The following ADAMTS12 variants were observed in gnomAD, a reference collection of about 807,000 sequenced individuals.
The protein encoded by ADAMTS12 is A disintegrin and metalloproteinase with thrombospondin motifs 12.
Under a neutral mutation model 167.8 loss-of-function variants are expected in ADAMTS12, and 118 were observed. That is an observed-to-expected ratio of 0.70 (90% CI 0.61 to 0.82). ADAMTS12 has a LOEUF of 0.82. ADAMTS12 is among the 40% of genes least tolerant of loss of function. The probability of loss-of-function intolerance (pLI) is 0.00; values close to 1 mark genes in which losing one functional copy is unlikely to be tolerated. For missense variants in ADAMTS12, 1,916 were observed against 1,998.8 expected, an observed-to-expected ratio of 0.96 and a Z score of 0.79; for synonymous variants, 704 against 716.9, an observed-to-expected ratio of 0.98 and a Z score of 0.29.
At chr5:33,691,059 C>T (rs10055979) in intron 3 of ADAMTS12, among the ~76,000 whole-genome samples, 6,807 of 152,258 alleles carry the variant, frequency 0.045, 315 homozygotes, top group East Asian at 0.17. Context: ...GGGACTTTCA[C>T]GCTTCATCCA....
chr5:33,779,503 A>G (rs62349789), intron 2 of ADAMTS12, among the ~76,000 whole-genome samples: 19,098 of 152,180 alleles, frequency 0.13, 1,569 homozygotes, highest in East Asian at 0.4. Flanking sequence ...GCTGTCTTGA[A>G]GAGATGTCTG....
intron 2 of ADAMTS12, among the ~76,000 whole-genome samples, chr5:33,850,744 T>C (rs1353438657): frequency 2.0e-5 from 3 of 152,186 alleles, no homozygotes; most frequent in Non-Finnish European, 4.4e-5. Flanking sequence ...GAGAGTTTTT[T>C]CCCATCCTGC....
intron 2 of ADAMTS12, among the ~76,000 whole-genome samples, chr5:33,783,076 C>G (rs1259357692): frequency 6.6e-6 from 1 of 151,968 alleles, no homozygotes; most frequent in Non-Finnish European, 1.5e-5. Flanking sequence ...CAAGTAAGTT[C>G]TCTGAACACC....
chr5:33,885,045 CTTAT>C (rs1750588476), intron 1 of ADAMTS12, among the ~76,000 whole-genome samples: 2 of 152,088 alleles, frequency 1.3e-5, no homozygotes, highest in Admixed American at 6.6e-5. Flanking sequence ...TTGAAAATAT[CTTAT>C]TTGTTATACT....
intron 2 of ADAMTS12, among the ~76,000 whole-genome samples, chr5:33,844,952 G>A (rs554018472): frequency 3.3e-5 from 5 of 152,270 alleles, no homozygotes; most frequent in East Asian, 3.9e-4. Flanking sequence ...CAGGTTCCCC[G>A]ATAATTTCTG....
At position 33,807,495 on chromosome 5, in the gene ADAMTS12, G is replaced by A. The variant is rs949888250; in HGVS notation, c.490-55947C>T. Among the ~76,000 whole-genome samples, 4 of 152,306 alleles carry A rather than the reference G, an allele frequency of 2.6e-5. No individual in the cohort carries two copies. The East Asian group carries it at 5.8e-4, about 22-fold the overall frequency. Reference sequence around the variant, plus strand: ...TTAGCGCCTATATCATTGGGTACCTGTGAGGATAAACTGAGATGATAGATG... The same window carrying A: ...TTAGCGCCTATATCATTGGGTACCTATGAGGATAAACTGAGATGATAGATG... On this transcript the variant is annotated intron_variant, in intron 2 of 23. Coordinates refer to ENST00000504830, the MANE Select transcript of ADAMTS12 (RefSeq NM_030955.4).
intron 16 of ADAMTS12, among the ~76,000 whole-genome samples, chr5:33,612,183 A>G (rs144965271): frequency 6.6e-6 from 1 of 152,332 alleles, no homozygotes; most frequent in African/African-American, 2.4e-5. Flanking sequence ...CACTCAAACA[A>G]ACAGTGTGGC....
At chr5:33,544,212 A>C (rs539187547) in intron 22 of ADAMTS12, among the ~76,000 whole-genome samples, 16 of 152,226 alleles carry the variant, frequency 1.1e-4, no homozygotes, top group Middle Eastern at 6.8e-3. Flanking sequence ...TTCTTATACA[A>C]CAATAACAGA....
intron 3 of ADAMTS12, among the ~76,000 whole-genome samples, chr5:33,720,284 T>TCACACACA (rs3071626): frequency 0.069 from 10,137 of 147,734 alleles, 369 homozygotes; most frequent in Non-Finnish European, 0.073. Flanking sequence ...TCTCTCTCAC[T>TCACACACA]CACACACACA....
intron 2 of ADAMTS12, among the ~76,000 whole-genome samples, chr5:33,786,043 G>A (rs1201076862): frequency 6.6e-6 from 1 of 152,178 alleles, no homozygotes; most frequent in Non-Finnish European, 1.5e-5. Context: ...ATTATGCAAA[G>A]TGAAAGAAAC....
chr5:33,564,099 C>T (rs1417302712), intron 19 of ADAMTS12, among the ~76,000 whole-genome samples: 1 of 152,176 alleles, frequency 6.6e-6, no homozygotes, highest in Non-Finnish European at 1.5e-5. Context: ...GGACAGCCTC[C>T]CACAGGCCAG....
chr5:33,887,440 G>A (rs918299074), intron 1 of ADAMTS12, among the ~76,000 whole-genome samples: 1 of 152,176 alleles, frequency 6.6e-6, no homozygotes, highest in Admixed American at 6.5e-5. Flanking sequence ...ATGTCAAGGC[G>A]GGTTGTCAAT....
At chr5:33,542,359 GAGACTT>G (rs1252732321) in intron 22 of ADAMTS12, among the ~76,000 whole-genome samples, 4 of 152,102 alleles carry the variant, frequency 2.6e-5, no homozygotes, top group Non-Finnish European at 5.9e-5. Context: ...GACCTACAAA[GAGACTT>G]AGACTTAGAG....
At chr5:33,739,528 A>G (rs920635783) in intron 3 of ADAMTS12, among the ~76,000 whole-genome samples, 3 of 152,212 alleles carry the variant, frequency 2.0e-5, no homozygotes, top group African/African-American at 7.2e-5. Context: ...TGATGCCAGG[A>G]TAAGGAGCCA....
intron 2 of ADAMTS12, among the ~76,000 whole-genome samples, chr5:33,870,041 T>A (rs973973409): frequency 1.3e-5 from 2 of 152,204 alleles, no homozygotes; most frequent in African/African-American, 4.8e-5. Context: ...CTTACCAGTT[T>A]TTGGCAATAA....
chr5:33,692,155 T>C (rs10472887), intron 3 of ADAMTS12, among the ~76,000 whole-genome samples: 34,142 of 152,142 alleles, frequency 0.22, 4,010 homozygotes, highest in East Asian at 0.42. Flanking sequence ...TCCTAGAATA[T>C]AGACTAAATT....
At chr5:33,826,540 G>A (rs2079715306) in intron 2 of ADAMTS12, among the ~76,000 whole-genome samples, 1 of 150,502 alleles carries the variant, frequency 6.6e-6, no homozygotes, top group African/African-American at 2.5e-5. Flanking sequence ...TTTTAAGTCT[G>A]TTTGAAAACA....
chr5:33,597,773 G>A (rs1023675284), intron 16 of ADAMTS12, among the ~76,000 whole-genome samples: 1 of 152,070 alleles, frequency 6.6e-6, no homozygotes, highest in African/African-American at 2.4e-5. Context: ...CGGTGGAATA[G>A]AGACTCGGAT....
Position 33,527,291 on chromosome 5 carries a change from G to A in ADAMTS12, c.4682C>T (p.Pro1561Leu), listed in dbSNP as rs1168170849. 6.2e-7 allele frequency: 1 copy of A among 1,614,002 alleles called. No homozygotes were observed. The highest frequency in any genetic ancestry group is 1.3e-5 in the African/African-American group (1 of 74,920). ...TLKAMKKCSV[P>L]TVRAECCFSC... Reference sequence around the variant, plus strand: ...GAAGCAGCACTCAGCCCTCACGGTGGGCACAGAACATTTCTTCATGGCTTT... The same window carrying A: ...GAAGCAGCACTCAGCCCTCACGGTGAGCACAGAACATTTCTTCATGGCTTT... Residue 1561 changes from proline to leucine, a missense_variant, in exon 24 of 24, where the codon CCC becomes CTC. Physicochemically the swap from Pro to Leu is moderately conservative, Grantham distance 98. Transcript: ENST00000504830.
Sources: allele counts gnomAD v4.1 joint callset (sites outside exome capture counted in the v4.1 genomes callset), GRCh38; gene constraint gnomAD v4.1.1; transcripts MANE v1.5; gene names NCBI Gene and HGNC (gene_info 2026-07-23, HGNC 2026-07-21).